The following IL12A variants were observed in gnomAD, a reference collection of about 807,000 sequenced individuals.
IL12A encodes the protein interleukin-12 subunit alpha.
In IL12A, 16 loss-of-function variants were observed where a neutral mutation model predicts 23.5. The observed-to-expected ratio is 0.68, with a 90% CI of 0.46 to 1.03. IL12A has a LOEUF of 1.03. Among genes scored for constraint, IL12A ranks in the 50% least tolerant of loss-of-function variants. The probability of loss-of-function intolerance (pLI) is 0.00; values close to 1 mark genes in which losing one functional copy is unlikely to be tolerated. For synonymous variants in IL12A, 106 were observed against 111.5 expected (o/e 0.95, Z 0.31); for missense variants, 275 against 307.0 (o/e 0.90, Z 0.78).
chr3:159,990,214 G>A lies in IL12A; in HGVS notation c.166G>A (p.Ala56Thr), dbSNP rs2108043181. ...GGTCCTCCTGGACCACCTCAGTTTG[G>A]CCAGAAACCTCCCCGTGGCCACTCC... Residue 56 changes from alanine (A) to threonine (T), a missense_variant, in exon 2 of 7, where the codon GCC (alanine) becomes ACC (threonine). Coordinates refer to ENST00000305579, the MANE Select transcript of IL12A (RefSeq NM_000882.4). The A allele has an allele frequency of 1.2e-6, 2 of 1,613,966 alleles. No homozygotes were observed. The highest frequency in any genetic ancestry group is 8.5e-7 in the Non-Finnish European group (1 of 1,179,998).
chr3:159,994,793 TC>T (rs1720440521), intron 6 of IL12A, among the ~76,000 whole-genome samples: 1 of 152,188 alleles, frequency 6.6e-6, no homozygotes, highest in Non-Finnish European at 1.5e-5. Context: ...ACTTAACCCC[TC>T]TGTGCCTCAG....
In IL12A at chr3:159,993,470, C is replaced by T; in HGVS notation, c.398C>T (p.Ser133Phe). 1 of 1,612,464 alleles carries T rather than the reference C, an allele frequency of 6.2e-7. No individual in the cohort carries two copies. Among genetic ancestry groups the T allele is most frequent in the East Asian group, 2.2e-5 (1 of 44,874 alleles). ...CTCTAGAATGAGAGTTGCCTAAATT[C>T]CAGAGAGACCTCTTTCATAACTGTA... The change falls in exon 4 of 7, where the codon TCC becomes TTC. Residue 133 changes from serine (S) to phenylalanine (F), a missense_variant. Transcript: ENST00000305579.
chr3:159,990,529 A>G (rs1419840465), intron 2 of IL12A, among the ~76,000 whole-genome samples: 1 of 152,218 alleles, frequency 6.6e-6, no homozygotes, highest in Non-Finnish European at 1.5e-5. Context: ...AATAAATTAT[A>G]ATGATGTTGG....
At chr3:159,992,961 C>A in intron 2 of IL12A, 51 bp from the exon 3 acceptor site, 1 of 1,101,964 alleles carries the variant, frequency 9.1e-7, no homozygotes, top group Non-Finnish European at 1.4e-6. Flanking sequence ...TTGTGGGGTG[C>A]CAGGTGCATT....
In IL12A at chr3:159,988,943, G is replaced by A. The variant is rs1020907447; in HGVS notation, c.-114G>A. 14 of 907,308 alleles carry A rather than the reference G, an allele frequency of 1.5e-5. No individual in the cohort carries two copies. The highest frequency in any genetic ancestry group is 1.0e-4 in the African/African-American group (6 of 58,816). The allele number at this position is 907,308 out of a possible 1,614,324, so 56.2% of individuals were successfully genotyped here. On this transcript the variant is annotated 5_prime_UTR_variant, in exon 1 of 7. Transcript: ENST00000305579. ...AAAGCGCCGCAAGCCCCGCGGGCCG[G>A]CCGCACCGCACGTGTCACCGAGAAG...
chr3:159,991,455 T>C (rs544254416), intron 2 of IL12A, among the ~76,000 whole-genome samples: 2 of 152,318 alleles, frequency 1.3e-5, no homozygotes, highest in East Asian at 3.9e-4. Flanking sequence ...TCAATTAAGA[T>C]TTCAAAATTC....
intron 1 of IL12A, 22 bp from the exon 2 acceptor site, chr3:159,990,145 C>T (rs1319746246): frequency 3.1e-6 from 5 of 1,612,678 alleles, no homozygotes; most frequent in Non-Finnish European, 3.4e-6. Flanking sequence ...GAAGCTCCTC[C>T]ACCTGCTCCT....
rs775473531 is a variant in IL12A, at chr3:159,990,237, T to G, written c.189T>G (p.Thr63=). ...TGGCCAGAAACCTCCCCGTGGCCAC[T>G]CCAGACCCAGGAATGTTCCCATGCC... is the stretch of plus-strand genomic sequence containing the variant. The change falls in exon 2 of 7, where the codon ACT becomes ACG. Residue 63 remains threonine, a synonymous_variant. Coordinates refer to ENST00000305579, the MANE Select transcript of IL12A (RefSeq NM_000882.4). The G allele has an allele frequency of 6.2e-7, 1 of 1,613,878 alleles. No homozygotes were observed. The highest frequency in any genetic ancestry group is 1.3e-5 in the African/African-American group (1 of 74,870).
intron 6 of IL12A, among the ~76,000 whole-genome samples, chr3:159,994,896 C>G (rs1050941281): frequency 4.6e-5 from 7 of 152,024 alleles, no homozygotes; most frequent in Admixed American, 1.3e-4. Flanking sequence ...ATCAAGGGTG[C>G]AAATGTAAGG....
At chr3:159,993,917 G>T in intron 6 of IL12A, 73 bp downstream of exon 6, 1 of 1,508,212 alleles carries the variant, frequency 6.6e-7, no homozygotes, top group Middle Eastern at 1.8e-4. Context: ...TTGATAAAGA[G>T]ATATAAAAAG....
chr3:159,990,621 C>T (rs1720270984), intron 2 of IL12A, among the ~76,000 whole-genome samples: 1 of 152,164 alleles, frequency 6.6e-6, no homozygotes, highest in African/African-American at 2.4e-5. Context: ...TGTGTCAGGT[C>T]CACATGGTTT....
At chr3:159,994,129 T>A in intron 6 of IL12A, 1 of 343,628 alleles carries the variant, frequency 2.9e-6, no homozygotes, top group Non-Finnish European at 5.5e-6. Context: ...CCATATGGGA[T>A]CTGCACAAAG....
intron 2 of IL12A, 82 bp downstream of exon 2, chr3:159,990,394 T>A (rs1179837631): frequency 1.4e-6 from 2 of 1,392,662 alleles, no homozygotes; most frequent in Non-Finnish European, 2.0e-6. Flanking sequence ...TGGTACCTGA[T>A]GGAACTGCAG....
intron 6 of IL12A, 115 bp from the exon 7 acceptor site, chr3:159,995,289 G>GATAGGGTTTATA: frequency 1.4e-6 from 1 of 693,708 alleles, no homozygotes; most frequent in Non-Finnish European, 2.3e-6. Context: ...TTTAGGAGTG[G>GATAGGGTTTATA]CATAAGGGAC....
intron 3 of IL12A, 158 bp from the exon 4 acceptor site, chr3:159,993,293 T>A (rs7622996): frequency 6.8e-5 from 51 of 746,978 alleles, no homozygotes; most frequent in Non-Finnish European, 9.1e-5. Flanking sequence ...AAATGGTTTT[T>A]TTTGCAACAA....
At chr3:159,990,114 T>C (rs1474710960) in intron 1 of IL12A, 53 bp from the exon 2 acceptor site, 2 of 1,592,268 alleles carry the variant, frequency 1.3e-6, no homozygotes, top group African/African-American at 2.7e-5. Flanking sequence ...GGGAAGGTGG[T>C]GCAGGCAGGC....
Position 159,994,115 on chromosome 3 carries a change from A to G in IL12A, c.606+271A>G, listed in dbSNP as rs2242382. On this transcript the variant is annotated intron_variant, in intron 6 of 6. Transcript: ENST00000305579. ...TGCATTTTCTTATGTCAGCCTCAAA[A>G]CAACCATATGGGATCTGCACAAAGG... 2,637 of 380,658 alleles carry G rather than the reference A, an allele frequency of 6.9e-3. 47 individuals carry two copies. The highest frequency in any genetic ancestry group is 0.051 in the East Asian group (1,041 of 20,390). 23.6% of individuals were successfully genotyped at this position (380,658 alleles called of 1,614,324 possible).
At chr3:159,993,934 G>GT in intron 6 of IL12A, 90 bp downstream of exon 6, 2 of 1,388,490 alleles carry the variant, frequency 1.4e-6, no homozygotes, top group Admixed American at 2.0e-5. Flanking sequence ...AAAGAGGTCT[G>GT]GAGGCCTTTT....
rs2243121 is a variant in IL12A, at chr3:159,991,038, G to A, written c.264+726G>A. ...TTGCCTTAGGAATATCTTAAAATAA[G>A]CTCAATGCCACCAAGCCTTCTTAAA... On this transcript the variant is annotated intron_variant, in intron 2 of 6. Transcript: ENST00000305579. Among the ~76,000 whole-genome samples, 412 of 152,258 alleles carry A rather than the reference G, an allele frequency of 2.7e-3. 6 individuals are homozygous for A. Among genetic ancestry groups the A allele is most frequent in the African/African-American group, 9.7e-3 (401 of 41,540 alleles).
Sources: allele counts gnomAD v4.1 joint callset (sites outside exome capture counted in the v4.1 genomes callset), GRCh38; gene constraint gnomAD v4.1.1; transcripts MANE v1.5; gene names NCBI Gene and HGNC (gene_info 2026-07-23, HGNC 2026-07-21).